The following NIPBL variants were observed in gnomAD, a reference collection of about 807,000 sequenced individuals.
NIPBL encodes NIPBL cohesin loading factor, also known as nipped-B-like protein.
A neutral mutation model predicts 321.8 loss-of-function variants in NIPBL; 19 were observed. The observed-to-expected ratio is 0.06, with a 90% CI of 0.04 to 0.09. The LOEUF (loss-of-function observed/expected upper bound fraction) is 0.09, where lower values mean the gene tolerates loss of function less well. NIPBL is among the 10% of genes least tolerant of loss of function. The probability of loss-of-function intolerance (pLI) is 1.00; values close to 1 mark genes in which losing one functional copy is unlikely to be tolerated. For missense variants in NIPBL, 2,210 were observed against 3,327.0 expected (o/e 0.66, Z 8.26); for synonymous variants, 1,106 against 1,114.1 (o/e 0.99, Z 0.14).
chr5:36,911,378 A>T (rs759151204), intron 1 of NIPBL, among the ~76,000 whole-genome samples: 1 of 152,126 alleles, frequency 6.6e-6, no homozygotes, highest in Non-Finnish European at 1.5e-5. Flanking sequence ...AACAGTGATT[A>T]TTTCCTTCAC....
intron 21 of NIPBL, among the ~76,000 whole-genome samples, chr5:37,014,034 C>T (rs147514243): frequency 0.014 from 2,124 of 152,354 alleles, 53 homozygotes; most frequent in African/African-American, 0.049. Context: ...AGCGAAACCC[C>T]GTCTCCACCA....
intron 1 of NIPBL, among the ~76,000 whole-genome samples, chr5:36,897,128 G>C (rs948636335): frequency 6.6e-6 from 1 of 151,478 alleles, no homozygotes; most frequent in Non-Finnish European, 1.5e-5. Context: ...TCAGCCTCCC[G>C]AGTAGCTGGG....
intron 1 of NIPBL, among the ~76,000 whole-genome samples, chr5:36,894,887 A>G (rs1263048600): frequency 6.6e-6 from 1 of 152,170 alleles, no homozygotes; most frequent in African/African-American, 2.4e-5. Context: ...CTCTTAGAGG[A>G]CACAGTCTGC....
chr5:36,967,755 G>A (rs540918584), intron 6 of NIPBL, among the ~76,000 whole-genome samples: 1 of 152,164 alleles, frequency 6.6e-6, no homozygotes, highest in African/African-American at 2.4e-5. Context: ...TCAAACTCCT[G>A]GGCTTAAGTG....
chr5:37,005,282 T>A (rs1747298045), intron 16 of NIPBL, among the ~76,000 whole-genome samples: 1 of 152,160 alleles, frequency 6.6e-6, no homozygotes, highest in East Asian at 1.9e-4. Context: ...ACTTTTTGCA[T>A]CACAGAAACA....
At chr5:37,024,092 G>A (rs1749981312) in intron 29 of NIPBL, among the ~76,000 whole-genome samples, 1 of 151,876 alleles carries the variant, frequency 6.6e-6, no homozygotes, top group African/African-American at 2.4e-5. Flanking sequence ...TTGAGCCTGG[G>A]AGGCAGAGGT....
At position 37,059,031 on chromosome 5, in the gene NIPBL, C is replaced by T. The variant is rs1015858531; in HGVS notation, c.7551C>T (p.Asp2517=). ...VDSDSDSDSE[D]DINSVMKCLP... ...CAGATTCAGATTCAGATTCAGAAGA[C>T]GATATAAATTCAGTGATGAAATGTT... The change falls in exon 44 of 47, where the codon GAC becomes GAT. Residue 2517 remains aspartate (D), a synonymous_variant. Coordinates refer to ENST00000282516, the MANE Select transcript of NIPBL (RefSeq NM_133433.4). The T allele has an allele frequency of 1.5e-5, 24 of 1,613,864 alleles. No individual in the cohort carries two copies. The highest frequency in any genetic ancestry group is 4.5e-5 in the East Asian group (2 of 44,882).
intron 1 of NIPBL, among the ~76,000 whole-genome samples, chr5:36,951,763 T>A (rs1332204828): frequency 6.6e-6 from 1 of 152,180 alleles, no homozygotes; most frequent in Non-Finnish European, 1.5e-5. Flanking sequence ...ATAGCTTTCC[T>A]ATATTATTTC....
At chr5:37,028,174 A>T (rs985131356) in intron 32 of NIPBL, among the ~76,000 whole-genome samples, 6 of 151,958 alleles carry the variant, frequency 3.9e-5, no homozygotes, top group African/African-American at 1.2e-4. Flanking sequence ...TTATCTCCCT[A>T]TGAATTGTTA....
chr5:37,003,820 A>G (rs1320789596), intron 16 of NIPBL, among the ~76,000 whole-genome samples: 1 of 152,346 alleles, frequency 6.6e-6, no homozygotes, highest in Non-Finnish European at 1.5e-5. Context: ...CACATTGTCA[A>G]TTCACAGCTT....
chr5:36,898,847 T>A (rs1392847970), intron 1 of NIPBL, among the ~76,000 whole-genome samples: 1 of 152,214 alleles, frequency 6.6e-6, no homozygotes. Flanking sequence ...AAACTTTTTT[T>A]AAAATTTAGT....
chr5:37,030,868 C>G (rs1208349172), intron 32 of NIPBL, among the ~76,000 whole-genome samples: 1 of 149,572 alleles, frequency 6.7e-6, no homozygotes, highest in Non-Finnish European at 1.5e-5. Flanking sequence ...AGTCCTCTTT[C>G]CTCAGCCTCC....
chr5:36,972,156 GA>G (rs1397197500), intron 8 of NIPBL, 115 bp downstream of exon 8: 50 of 687,398 alleles, frequency 7.3e-5, no homozygotes, highest in African/African-American at 1.1e-4. Context: ...TTTCATTGTA[GA>G]AAAAAAAATA....
intron 32 of NIPBL, among the ~76,000 whole-genome samples, chr5:37,035,563 A>G (rs745668445): frequency 1.3e-5 from 2 of 152,086 alleles, no homozygotes; most frequent in Non-Finnish European, 2.9e-5. Flanking sequence ...TTCAATTTTT[A>G]TTTTATTTAA....
At chr5:36,952,062 G>GCGCA (rs1554010312) in intron 1 of NIPBL, among the ~76,000 whole-genome samples, 7 of 132,186 alleles carry the variant, frequency 5.3e-5, no homozygotes, top group East Asian at 2.0e-4. Context: ...GTGCGCGCGC[G>GCGCA]CGCGCGCGCG....
intron 2 of NIPBL, 97 bp downstream of exon 2, chr5:36,953,857 A>G: frequency 9.2e-7 from 1 of 1,081,996 alleles, no homozygotes. Context: ...TCTTTAAAAC[A>G]CATTTACAGA....
intron 39 of NIPBL, 144 bp from the exon 40 acceptor site, chr5:37,048,967 A>T (rs1753245820): frequency 1.2e-6 from 1 of 811,116 alleles, no homozygotes; most frequent in South Asian, 1.5e-5. Flanking sequence ...ACACACACAC[A>T]CACTCACACA....
In NIPBL at chr5:37,046,214, C is replaced by G; in HGVS notation, c.6589+15C>G. 1.4e-6 allele frequency: 2 copies of G among 1,409,566 alleles called. No individual in the cohort carries two copies. The highest frequency in any genetic ancestry group is 1.0e-6 in the Non-Finnish European group (1 of 994,372). 87.3% of individuals were successfully genotyped at this position (1,409,566 alleles called of 1,614,324 possible). A position where few individuals can be genotyped will look rare whatever the true frequency, so the allele number is the denominator to read the frequency against. On this transcript the variant is annotated intron_variant, in intron 38 of 46. Coordinates refer to ENST00000282516, the MANE Select transcript of NIPBL (RefSeq NM_133433.4). ...CATTGGTCTAGGTAAGTCTAAATTT[C>G]TTTATAATTTGTAGCTATTTGAGAG...
At chr5:36,993,165 G>T (rs901518317) in intron 10 of NIPBL, among the ~76,000 whole-genome samples, 39 of 152,182 alleles carry the variant, frequency 2.6e-4, no homozygotes, top group Non-Finnish European at 5.0e-4. Flanking sequence ...AGACAATTCT[G>T]TTCAAAATGA....
Sources: gnomAD v4.1 joint callset for allele counts (sites outside exome capture counted in the v4.1 genomes callset) on GRCh38, gnomAD v4.1.1 for gene constraint, MANE v1.5 for transcripts, NCBI Gene and HGNC (gene_info 2026-07-23, HGNC 2026-07-21) for gene names.